Variants in GLO1 observed in about 807,000 individuals in gnomAD.
GLO1 encodes the protein lactoylglutathione lyase.
Under a neutral mutation model 26.0 loss-of-function variants are expected in GLO1, and 28 were observed. The observed-to-expected ratio is 1.08, with a 90% CI of 0.80 to 1.48. The LOEUF (loss-of-function observed/expected upper bound fraction) is 1.48, where lower values mean the gene tolerates loss of function less well. GLO1 is among the 40% of genes most tolerant of loss of function. GLO1 has a pLI of 0.00. For synonymous variants in GLO1, 78 were observed against 77.6 expected (o/e 1.00, Z -0.03); for missense variants, 225 against 224.8 (o/e 1.00, Z -0.01).
chr6:38,687,454 T>C (rs1233463618), intron 1 of GLO1, among the ~76,000 whole-genome samples: 1 of 152,198 alleles, frequency 6.6e-6, no homozygotes, highest in African/African-American at 2.4e-5. Context: ...CATAAAGAGG[T>C]TGATCACTAC....
Position 38,694,869 on chromosome 6 carries a change from G to A in GLO1, c.85-7895C>T, listed in dbSNP as rs80243745. 8.6e-3 allele frequency among the ~76,000 whole-genome samples: 1,303 copies of A among 152,202 alleles called. 21 individuals are homozygous for A. Among genetic ancestry groups the A allele is most frequent in the African/African-American group, 0.029 (1,196 of 41,508 alleles). On this transcript the variant is annotated intron_variant, in intron 1 of 5. Coordinates refer to ENST00000373365, the MANE Select transcript of GLO1 (RefSeq NM_006708.3). ...CTGTATAATGTACTTCTTATGTCTG[G>A]TAATTTTCTTTGCCCCAAAGTCTAC...
chr6:38,698,092 C>A (rs60896390), intron 1 of GLO1, among the ~76,000 whole-genome samples: 1 of 152,218 alleles, frequency 6.6e-6, no homozygotes, highest in South Asian at 2.1e-4. Context: ...CTATTTCATA[C>A]CCTTATCACT....
At chr6:38,683,357 C>G (rs1417552120) in intron 3 of GLO1, 1 of 152,562 alleles carries the variant, frequency 6.6e-6, no homozygotes, top group Non-Finnish European at 1.5e-5. Flanking sequence ...AAGAAATTGC[C>G]TACATTTTTA....
chr6:38,698,083 T>C (rs1761637832), intron 1 of GLO1, among the ~76,000 whole-genome samples: 1 of 152,214 alleles, frequency 6.6e-6, no homozygotes. Flanking sequence ...AAACATTTTC[T>C]ATTTCATACC....
chr6:38,676,396 C>A lies in GLO1; in HGVS notation c.*899G>T, dbSNP rs1761243606. On this transcript the variant is annotated 3_prime_UTR_variant, in exon 6 of 6. Transcript: ENST00000373365. ...TTGTACTAAAGACTTCTAGTGTTTA[C>A]TCCCTCACCACGGTACTCCAGCCCA... The A allele has an allele frequency of 1.3e-5, 2 of 152,138 alleles. No individual in the cohort carries two copies. The highest frequency in any genetic ancestry group is 2.9e-5 in the Non-Finnish European group (2 of 68,004). The allele number at this position is 152,138 out of a possible 1,614,324, so 9.4% of individuals were successfully genotyped here.
At chr6:38,692,336 G>A (rs149271978) in intron 1 of GLO1, among the ~76,000 whole-genome samples, 1 of 152,134 alleles carries the variant, frequency 6.6e-6, no homozygotes, top group South Asian at 2.1e-4. Flanking sequence ...TTTGGTGCCT[G>A]TGTGTTCTTT....
At chr6:38,693,687 A>C (rs13193086) in intron 1 of GLO1, among the ~76,000 whole-genome samples, 5,165 of 59,304 alleles carry the variant, frequency 0.087, 89 homozygotes, top group Middle Eastern at 0.15. Flanking sequence ...CTCTCTCTCT[A>C]TATATATATA....
At chr6:38,692,801 T>C (rs1253688836) in intron 1 of GLO1, among the ~76,000 whole-genome samples, 2 of 151,412 alleles carry the variant, frequency 1.3e-5, no homozygotes, top group East Asian at 3.9e-4. Flanking sequence ...ATGTGATTCT[T>C]CTTTACCCTC....
intron 5 of GLO1, among the ~76,000 whole-genome samples, chr6:38,678,459 G>A (rs35207097): frequency 0.081 from 12,297 of 151,818 alleles, 653 homozygotes; most frequent in Middle Eastern, 0.18. Context: ...AAACCCGGCT[G>A]GTGACAGCTG....
rs148831289 is a variant in GLO1 at position 38,699,952 on chromosome 6, T to C, written c.84+3019A>G. 3.8e-3 allele frequency among the ~76,000 whole-genome samples: 581 copies of C among 151,822 alleles called. 3 individuals carry two copies. Among genetic ancestry groups the C allele is most frequent in the African/African-American group, 0.013 (533 of 41,256 alleles). ...CTTGTGATCTTTGTTAGACCCTTAT[T>C]AGTAGTTCTGCTTTTTGCCCTTTGA... On this transcript the variant is annotated intron_variant, in intron 1 of 5. Coordinates refer to ENST00000373365, the MANE Select transcript of GLO1 (RefSeq NM_006708.3).
intron 1 of GLO1, among the ~76,000 whole-genome samples, chr6:38,687,474 T>C (rs1244349551): frequency 6.6e-6 from 1 of 152,220 alleles, no homozygotes; most frequent in Non-Finnish European, 1.5e-5. Flanking sequence ...CAATATTTGT[T>C]GAATGAAGGC....
At position 38,703,110 on chromosome 6, in the gene GLO1, A is replaced by T. The variant is rs1050280504; in HGVS notation, c.-56T>A. The T allele has an allele frequency of 3.0e-5, 30 of 1,015,074 alleles. No individual in the cohort carries two copies. The Admixed American group carries it at 5.1e-4, about 17-fold the overall frequency. 62.9% of individuals were successfully genotyped at this position (1,015,074 alleles called of 1,614,324 possible). On this transcript the variant is annotated 5_prime_UTR_variant, in exon 1 of 6. Coordinates refer to ENST00000373365, the MANE Select transcript of GLO1 (RefSeq NM_006708.3). ...CCCAAGGAACGGAGGAGTCACCCAC[A>T]CTACGCCTCGGCCCTGTGCCGCCTT...
intron 2 of GLO1, 115 bp downstream of exon 2, chr6:38,686,777 G>T (rs1400254687): frequency 1.6e-6 from 1 of 625,076 alleles, no homozygotes; most frequent in Non-Finnish European, 2.8e-6. Flanking sequence ...CAGACTCCTG[G>T]CCAAAAGAAC....
chr6:38,689,150 A>G (rs1325982721), intron 1 of GLO1, among the ~76,000 whole-genome samples: 6 of 152,204 alleles, frequency 3.9e-5, no homozygotes, highest in Middle Eastern at 3.2e-3. Context: ...AGTGGAAAGA[A>G]ACTGAATTCA....
At chr6:38,701,897 C>A (rs1257461505) in intron 1 of GLO1, among the ~76,000 whole-genome samples, 1 of 151,126 alleles carries the variant, frequency 6.6e-6, no homozygotes, top group Non-Finnish European at 1.5e-5. Context: ...CTGATGACTT[C>A]ACTGGAATAA....
intron 1 of GLO1, among the ~76,000 whole-genome samples, chr6:38,691,677 A>G (rs889445314): frequency 6.6e-6 from 1 of 152,164 alleles, no homozygotes; most frequent in African/African-American, 2.4e-5. Context: ...CAATCCTTAC[A>G]AAACTGTAAA....
chr6:38,678,769 G>A (rs1017639485), intron 5 of GLO1, among the ~76,000 whole-genome samples: 17 of 152,196 alleles, frequency 1.1e-4, no homozygotes, highest in East Asian at 3.9e-4. Context: ...TAACACTATC[G>A]GAAGTGTCTC....
At chr6:38,702,883 A>G in intron 1 of GLO1, 88 bp downstream of exon 1, 1 of 736,284 alleles carries the variant, frequency 1.4e-6, no homozygotes, top group South Asian at 1.6e-5. Context: ...GCGGACCTGC[A>G]GCGGCGGCGG....
chr6:38,686,342 CAA>C (rs1204713055), intron 2 of GLO1, among the ~76,000 whole-genome samples: 1 of 151,960 alleles, frequency 6.6e-6, no homozygotes, highest in Non-Finnish European at 1.5e-5. Flanking sequence ...CTTAGGGAAA[CAA>C]ATCAACAATA....
Sources: gnomAD v4.1 joint callset for allele counts (sites outside exome capture counted in the v4.1 genomes callset) on GRCh38, gnomAD v4.1.1 for gene constraint, MANE v1.5 for transcripts, NCBI Gene and HGNC (gene_info 2026-07-23, HGNC 2026-07-21) for gene names.